The following SRBD1 variants were observed in gnomAD, a reference collection of about 807,000 sequenced individuals.
SRBD1 encodes the protein S1 RNA-binding domain-containing protein 1.
SRBD1 carries 88 observed loss-of-function variants against 115.3 expected under a neutral mutation model. The observed-to-expected ratio is 0.76, with a 90% CI of 0.64 to 0.91. The LOEUF is 0.91. SRBD1 is among the 40% of genes least tolerant of loss of function. SRBD1 has a pLI of 0.00. For missense variants in SRBD1, 1,385 were observed against 1,177.4 expected (o/e 1.18, Z -2.58); for synonymous variants, 509 against 407.7 (o/e 1.25, Z -2.99).
chr2:45,475,334 C>T (rs1173391034), intron 16 of SRBD1, among the ~76,000 whole-genome samples: 1 of 152,194 alleles, frequency 6.6e-6, no homozygotes, highest in Non-Finnish European at 1.5e-5. Flanking sequence ...AGCCTCCTAG[C>T]TGTTCTATTG....
chr2:45,501,740 G>A (rs1054697289), intron 14 of SRBD1, among the ~76,000 whole-genome samples: 13 of 152,170 alleles, frequency 8.5e-5, no homozygotes, highest in Non-Finnish European at 1.9e-4. Flanking sequence ...CAAGGCTGGG[G>A]TAGGGGCACC....
chr2:45,515,743 T>C (rs576765599), intron 14 of SRBD1, among the ~76,000 whole-genome samples: 2 of 152,150 alleles, frequency 1.3e-5, no homozygotes, highest in African/African-American at 4.8e-5. Flanking sequence ...AAAAATAGAT[T>C]ACATGAAGAA....
At chr2:45,485,582 G>T (rs1020906936) in intron 15 of SRBD1, among the ~76,000 whole-genome samples, 2 of 152,010 alleles carry the variant, frequency 1.3e-5, no homozygotes, top group African/African-American at 4.8e-5. Context: ...GCATTGTGGG[G>T]GAATATAAGC....
At chr2:45,450,622 C>T (rs956975996) in intron 16 of SRBD1, among the ~76,000 whole-genome samples, 5 of 152,076 alleles carry the variant, frequency 3.3e-5, no homozygotes, top group African/African-American at 1.2e-4. Context: ...AAGAGAATGA[C>T]TATATACGTC....
chr2:45,577,003 C>CATATTTTATTTTTAAATATGTTAAA (rs1375098593), intron 7 of SRBD1, among the ~76,000 whole-genome samples: 62 of 152,268 alleles, frequency 4.1e-4, no homozygotes, highest in African/African-American at 1.5e-3. Context: ...AAAATAAAAT[C>CATATTTTATTTTTAAATATGTTAAA]ATACCAGGTA....
intron 16 of SRBD1, among the ~76,000 whole-genome samples, chr2:45,463,311 C>T (rs1344071389): frequency 2.0e-5 from 3 of 152,160 alleles, no homozygotes; most frequent in Non-Finnish European, 4.4e-5. Flanking sequence ...TTAATGCATA[C>T]TGTCCCTATA....
At chr2:45,463,004 G>C (rs1490606663) in intron 16 of SRBD1, among the ~76,000 whole-genome samples, 2 of 107,448 alleles carry the variant, frequency 1.9e-5, no homozygotes, top group Non-Finnish European at 3.6e-5. Flanking sequence ...ATATTTAATT[G>C]TTGAGAATAA....
chr2:45,421,181 T>C lies in SRBD1; in HGVS notation c.2050-1287A>G, dbSNP rs143003446. ...ACAGCAACTGTAGGACACCATTAAA[T>C]GTAAGCTGCATTCTGATTTCAGAGG... On this transcript the variant is annotated intron_variant, in intron 16 of 20. Transcript: ENST00000263736. Among the ~76,000 whole-genome samples the C allele has an allele frequency of 6.9e-3, 1,045 of 152,220 alleles. 15 individuals are homozygous for C. Among genetic ancestry groups the C allele is most frequent in the African/African-American group, 0.024 (989 of 41,560 alleles).
intron 15 of SRBD1, among the ~76,000 whole-genome samples, chr2:45,477,977 T>TTA (rs397804516): frequency 6.6e-6 from 1 of 151,608 alleles, no homozygotes; most frequent in African/African-American, 2.4e-5. Context: ...TTTTTTTTTT[T>TTA]ACCAAATATC....
In SRBD1 at chr2:45,488,245, C is replaced by G; in HGVS notation, c.1961G>C (p.Ser654Thr). 1 of 1,613,704 alleles carries G rather than the reference C, an allele frequency of 6.2e-7. No individual in the cohort carries two copies. ...GATGGTCCATAGTTTCTTACCTGCA[C>G]TTCTCAAATTAGGGTCCAGCCCTGG... ...EMPGLDPNLR[S>T]AVSIARRVQD... The change falls in exon 15 of 21, where the codon AGT (serine) becomes ACT (threonine). Residue 654 changes from serine to threonine, a missense_variant. Transcript: ENST00000263736.
intron 11 of SRBD1, among the ~76,000 whole-genome samples, chr2:45,552,685 G>A (rs1319037828): frequency 6.6e-6 from 1 of 152,190 alleles, no homozygotes; most frequent in African/African-American, 2.4e-5. Flanking sequence ...TAGACAGCTT[G>A]AAGTGAAATA....
intron 16 of SRBD1, among the ~76,000 whole-genome samples, chr2:45,462,262 A>G (rs933939773): frequency 6.6e-6 from 1 of 152,186 alleles, no homozygotes; most frequent in African/African-American, 2.4e-5. Flanking sequence ...GCCCTCATAC[A>G]GATTTGTTTT....
intron 15 of SRBD1, among the ~76,000 whole-genome samples, chr2:45,482,827 G>A (rs1447784536): frequency 6.6e-6 from 1 of 151,872 alleles, no homozygotes; most frequent in South Asian, 2.1e-4. Flanking sequence ...ATATAAAATG[G>A]AGTACCATTT....
intron 16 of SRBD1, among the ~76,000 whole-genome samples, chr2:45,443,233 A>T (rs1668723618): frequency 6.6e-6 from 1 of 152,168 alleles, no homozygotes; most frequent in Non-Finnish European, 1.5e-5. Context: ...CAAGAGGGAG[A>T]TGATGGCTGC....
At chr2:45,468,363 C>T (rs1418041275) in intron 16 of SRBD1, among the ~76,000 whole-genome samples, 1 of 151,220 alleles carries the variant, frequency 6.6e-6, no homozygotes, top group East Asian at 1.9e-4. Context: ...CAAATTTTCA[C>T]TACTATAAAT....
chr2:45,396,293 A>C (rs1005827789), intron 19 of SRBD1, among the ~76,000 whole-genome samples: 1 of 152,318 alleles, frequency 6.6e-6, no homozygotes, highest in South Asian at 2.1e-4. Flanking sequence ...TTTTAGTAAT[A>C]TTTTACAAAT....
At chr2:45,541,798 A>G (rs1275580318) in intron 14 of SRBD1, among the ~76,000 whole-genome samples, 1 of 152,220 alleles carries the variant, frequency 6.6e-6, no homozygotes, top group African/African-American at 2.4e-5. Context: ...TCCTTCCCAT[A>G]GCTGGTAGTC....
At chr2:45,524,896 G>A (rs1325188430) in intron 14 of SRBD1, among the ~76,000 whole-genome samples, 1 of 151,884 alleles carries the variant, frequency 6.6e-6, no homozygotes, top group African/African-American at 2.4e-5. Flanking sequence ...AACTGACTAT[G>A]AAACAATAAA....
chr2:45,392,903 T>C, intron 20 of SRBD1, 42 bp downstream of exon 20: 6 of 1,533,978 alleles, frequency 3.9e-6, no homozygotes, highest in Non-Finnish European at 5.3e-6. Flanking sequence ...TAATGGGAGC[T>C]ATGCAAATGC....
Sources: gnomAD v4.1 joint callset for allele counts (sites outside exome capture counted in the v4.1 genomes callset) on GRCh38, gnomAD v4.1.1 for gene constraint, MANE v1.5 for transcripts, NCBI Gene and HGNC (gene_info 2026-07-23, HGNC 2026-07-21) for gene names.